ITGA2B: variants seen among roughly 807,000 people sequenced by gnomAD.
The protein encoded by ITGA2B is integrin alpha-IIb.
ITGA2B carries 91 observed loss-of-function variants against 142.0 expected under a neutral mutation model. The ratio of observed to expected loss-of-function variants is 0.64; its 90% CI spans 0.54 to 0.76. The LOEUF (loss-of-function observed/expected upper bound fraction) is 0.76, where lower values mean the gene tolerates loss of function less well. Among genes scored for constraint, ITGA2B ranks in the 30% least tolerant of loss-of-function variants. The pLI is 0.00. For synonymous variants in ITGA2B, 536 were observed against 567.2 expected (o/e 0.94, Z 0.78); for missense variants, 1,231 against 1,350.8 (o/e 0.91, Z 1.39).
At chr17:44,381,161 A>C (rs1028865335) in intron 12 of ITGA2B, 100 bp from the exon 13 acceptor site, 36 of 1,198,912 alleles carry the variant, frequency 3.0e-5, no homozygotes, top group Non-Finnish European at 3.7e-5. Flanking sequence ...CCAGGAGACT[A>C]GGAAAGGGGT....
Position 44,378,392 on chromosome 17 carries a change from G to T in ITGA2B, c.2064C>A (p.Ala688=). The T allele has an allele frequency of 6.2e-7, 1 of 1,613,136 alleles. No homozygotes were observed. Among genetic ancestry groups the T allele is most frequent in the Non-Finnish European group, 8.5e-7 (1 of 1,179,938 alleles). Residue 688 remains alanine, a synonymous_variant, in exon 20 of 30, where the codon GCC becomes GCA. Transcript: ENST00000262407. ...CATTGCTTAGGGCCCGCATGTAGTGGGCGCCCTGGGGCAGGTGCACGGCCA... is the reference window on the plus strand; with the variant it reads ...CATTGCTTAGGGCCCGCATGTAGTGTGCGCCCTGGGGCAGGTGCACGGCCA... ...AELAVHLPQG[A]HYMRALSNVE...
intron 19 of ITGA2B, 32 bp from the exon 20 acceptor site, chr17:44,378,541 C>G: frequency 6.2e-7 from 1 of 1,612,282 alleles, no homozygotes; most frequent in South Asian, 1.1e-5. Flanking sequence ...GCCAGGGAGC[C>G]TGGGTCTGGG....
In ITGA2B at chr17:44,386,044, C is replaced by G; in HGVS notation, c.276G>C (p.Glu92Asp). The G allele has an allele frequency of 6.2e-7, 1 of 1,613,214 alleles. No individual in the cohort carries two copies. Among genetic ancestry groups the G allele is most frequent in the African/African-American group, 1.3e-5 (1 of 75,042 alleles). Residue 92 changes from glutamate to aspartate, a missense_variant, in exon 2 of 30, where the codon GAG (glutamate) becomes GAC (aspartate). Glu to Asp is a conservative substitution (Grantham distance 45). Around this residue, in one of 3 missense-constraint regions of ITGA2B, gnomAD observed 318 missense variants for 312.2 expected, o/e 1.02. Coordinates refer to ENST00000262407, the MANE Select transcript of ITGA2B (RefSeq NM_000419.5). ...AGAGCAGCGAGGGGCACTGGCCGCC[C>G]TCGGCCCTCCAGGGGCACAGGAACA... is the stretch of plus-strand genomic sequence containing the variant. ...GGVFLCPWRAEGGQCPSLLFD... is the reference protein window; with the variant it reads ...GGVFLCPWRADGGQCPSLLFD...
rs2048632440 is a variant in ITGA2B, at chr17:44,385,083, C to A, written c.671-7G>T. The A allele has an allele frequency of 6.2e-7, 1 of 1,613,962 alleles. No individual in the cohort carries two copies. Reference sequence around the variant, plus strand: ...GGAGCCTGGGCCAGGAGACCTAGGGCGGGAGGGACAGCGGGTGTGAAGCCC... The same window carrying A: ...GGAGCCTGGGCCAGGAGACCTAGGGAGGGAGGGACAGCGGGTGTGAAGCCC... On this transcript the variant is annotated splice_region_variant and splice_polypyrimidine_tract_variant and intron_variant, in intron 6 of 29. Transcript: ENST00000262407.
In ITGA2B at chr17:44,375,878, C is replaced by G. The variant is rs2048538187; in HGVS notation, c.2556G>C (p.Gln852His). 1 of 1,604,960 alleles carries G rather than the reference C, an allele frequency of 6.2e-7. No homozygotes were observed. The highest frequency in any genetic ancestry group is 1.1e-5 in the South Asian group (1 of 89,428). Residue 852 changes from glutamine to histidine, a missense_variant, in exon 25 of 30, where the codon CAG becomes CAC. Gln to His is a conservative substitution (Grantham distance 24). Coordinates refer to ENST00000262407, the MANE Select transcript of ITGA2B (RefSeq NM_000419.5). ...DLLYILDIQP[Q>H]GGLQCFPQPP... ...GCTGTGGGAAGCACTGAAGGCCCCC[C>G]TGGGGCTGTATATCCAGGATGTAGA...
rs2048613378 is a variant in ITGA2B at position 44,383,472 on chromosome 17, AGG to A, written c.1210+19_1210+20del. The A allele has an allele frequency of 6.3e-7, 1 of 1,590,676 alleles. No homozygotes were observed. The highest frequency in any genetic ancestry group is 1.3e-5 in the African/African-American group (1 of 74,746). On this transcript the variant is annotated intron_variant, in intron 12 of 29. Coordinates refer to ENST00000262407, the MANE Select transcript of ITGA2B (RefSeq NM_000419.5). ...GGCTGTTAACCCCTCTGCAGCAAGTAGGGCTCCTCTCTTCCCTCACCATTGTA... is the reference window on the plus strand; with the variant it reads ...GGCTGTTAACCCCTCTGCAGCAAGTAGCTCCTCTCTTCCCTCACCATTGTA...
chr17:44,388,730 G>T (rs1452797596), intron 1 of ITGA2B, among the ~76,000 whole-genome samples: 1 of 151,830 alleles, frequency 6.6e-6, no homozygotes, highest in Non-Finnish European at 1.5e-5. Context: ...TATTGGCCAG[G>T]CTGGTCTTGA....
In ITGA2B at chr17:44,375,576, A is replaced by G. The variant is rs761336885; in HGVS notation, c.2727+15T>C. On this transcript the variant is annotated intron_variant, in intron 26 of 29. Coordinates refer to ENST00000262407, the MANE Select transcript of ITGA2B (RefSeq NM_000419.5). Reference sequence around the variant, plus strand: ...TCCCGGGGAGGCCGGGCCAGAGACCAGAGAGCCTGCTCACTACGAGAACTG... The same window carrying G: ...TCCCGGGGAGGCCGGGCCAGAGACCGGAGAGCCTGCTCACTACGAGAACTG... 1 of 1,613,390 alleles carries G rather than the reference A, an allele frequency of 6.2e-7. No individual in the cohort carries two copies. The highest frequency in any genetic ancestry group is 1.1e-5 in the South Asian group (1 of 91,036).
intron 22 of ITGA2B, 53 bp downstream of exon 22, chr17:44,376,956 C>CG: frequency 6.9e-7 from 1 of 1,446,516 alleles, no homozygotes; most frequent in Non-Finnish European, 9.4e-7. Flanking sequence ...GGGCTCTGCA[C>CG]GGGGGTCAGA....
At chr17:44,375,552 C>A (rs1434561453) in intron 26 of ITGA2B, 39 bp downstream of exon 26, 1 of 1,609,954 alleles carries the variant, frequency 6.2e-7, no homozygotes, top group Admixed American at 1.7e-5. Context: ...CCCCGTGGGT[C>A]CCGGGGAGGC....
At chr17:44,383,353 C>T in intron 12 of ITGA2B, 140 bp downstream of exon 12, 7 of 778,396 alleles carry the variant, frequency 9.0e-6, no homozygotes, top group Non-Finnish European at 1.5e-5. Context: ...ATCTGCTCTC[C>T]ACTCAGCACC....
At chr17:44,387,826 CA>C (rs980395817) in intron 1 of ITGA2B, among the ~76,000 whole-genome samples, 3,627 of 24,522 alleles carry the variant, frequency 0.15, 7 homozygotes, top group African/African-American at 0.21. Context: ...AACCCCATCT[CA>C]AAAAAAAAAA....
rs532555454 is a variant in ITGA2B at position 44,385,654 on chromosome 17, G to C, written c.471C>G (p.Pro157=). The C allele has an allele frequency of 6.2e-7, 1 of 1,613,520 alleles. No individual in the cohort carries two copies. ...LEKTEEAEKT[P]VGSCFLAQPE... is the part of the protein sequence containing the mutation. ...GCTGAGCCAAAAAGCAGCTACCTAC[G>C]GGCGTCTTCTCAGCCTCCTCAGTCT... is the stretch of plus-strand genomic sequence containing the variant. The change falls in exon 4 of 30, where the codon CCC becomes CCG. Residue 157 remains proline, a synonymous_variant. Transcript: ENST00000262407.
rs775356933 is a variant in ITGA2B at position 44,378,522 on chromosome 17, A to T, written c.1947-13T>A. The stretch of plus-strand genomic sequence containing the variant: ...CGGGGAGCCCGTCCTGTGGGGAAAG[A>T]GGAGTGAAGCCAGGGAGCCTGGGTC... On this transcript the variant is annotated splice_polypyrimidine_tract_variant and intron_variant, in intron 19 of 29. Coordinates refer to ENST00000262407, the MANE Select transcript of ITGA2B (RefSeq NM_000419.5). 3.7e-6 allele frequency: 6 copies of T among 1,613,482 alleles called. No homozygotes were observed. The South Asian group carries it at 6.6e-5, about 18-fold the overall frequency.
rs571337941 is a variant in ITGA2B at position 44,375,877 on chromosome 17, C to T, written c.2557G>A (p.Gly853Arg). 1 of 1,604,438 alleles carries T rather than the reference C, an allele frequency of 6.2e-7. No homozygotes were observed. The highest frequency in any genetic ancestry group is 1.1e-5 in the South Asian group (1 of 89,372). ...GGCTGTGGGAAGCACTGAAGGCCCC[C>T]CTGGGGCTGTATATCCAGGATGTAG... ...LLYILDIQPQ[G>R]GLQCFPQPPV... Residue 853 changes from glycine to arginine, a missense_variant, in exon 25 of 30, where the codon GGG (glycine) becomes AGG (arginine). By Grantham distance (125) the Gly-to-Arg change is moderately radical. Transcript: ENST00000262407.
chr17:44,381,147 C>T, intron 12 of ITGA2B, 86 bp from the exon 13 acceptor site: 1 of 1,343,562 alleles, frequency 7.4e-7, no homozygotes, highest in Admixed American at 2.1e-5. Flanking sequence ...TCTCTGGGAA[C>T]ATCCCAGGAG....
chr17:44,382,600 C>T (rs2048606559), intron 12 of ITGA2B, among the ~76,000 whole-genome samples: 1 of 152,120 alleles, frequency 6.6e-6, no homozygotes, highest in Admixed American at 6.5e-5. Flanking sequence ...GCAACCTCCA[C>T]TTCCCGGGTT....
chr17:44,378,588 GC>G (rs2143451835), intron 19 of ITGA2B, 54 bp downstream of exon 19: 1 of 1,594,328 alleles, frequency 6.3e-7, no homozygotes, highest in Non-Finnish European at 8.5e-7. Flanking sequence ...AAGGTGTGGA[GC>G]AGGTATGATA....
intron 12 of ITGA2B, among the ~76,000 whole-genome samples, chr17:44,382,169 C>T (rs2143470620): frequency 6.6e-6 from 1 of 152,254 alleles, no homozygotes; most frequent in Non-Finnish European, 1.5e-5. Context: ...TCTCTGCTGG[C>T]TCATCCCCCC....
Sources: allele counts gnomAD v4.1 joint callset (sites outside exome capture counted in the v4.1 genomes callset), GRCh38; gene constraint gnomAD v4.1.1; regional missense constraint gnomAD v4.1.1; transcripts MANE v1.5; gene names NCBI Gene and HGNC (gene_info 2026-07-23, HGNC 2026-07-21).